Variants in SMURF2 observed in about 807,000 individuals in gnomAD.
SMURF2 encodes E3 ubiquitin-protein ligase SMURF2.
A neutral mutation model predicts 109.6 loss-of-function variants in SMURF2; 48 were observed. That is an observed-to-expected ratio of 0.44 (90% CI 0.35 to 0.56). The LOEUF (loss-of-function observed/expected upper bound fraction) is 0.56, where lower values mean the gene tolerates loss of function less well. SMURF2 is among the 20% of genes least tolerant of loss of function. The probability of loss-of-function intolerance (pLI) is 0.01; values close to 1 mark genes in which losing one functional copy is unlikely to be tolerated. For synonymous variants in SMURF2, 288 were observed against 317.1 expected (o/e 0.91, Z 0.97); for missense variants, 575 against 909.0 (o/e 0.63, Z 4.72).
intron 10 of SMURF2, among the ~76,000 whole-genome samples, chr17:64,568,650 A>G (rs879978478): frequency 6.6e-6 from 1 of 152,150 alleles, no homozygotes; most frequent in Non-Finnish European, 1.5e-5. Flanking sequence ...GAGTGCTCCA[A>G]CATCTTTTAT....
At chr17:64,599,493 C>G (rs1413635574) in intron 2 of SMURF2, among the ~76,000 whole-genome samples, 6 of 152,186 alleles carry the variant, frequency 3.9e-5, no homozygotes, top group Admixed American at 1.3e-4. Context: ...CGTCTCCAAC[C>G]TCTGCACCAT....
At chr17:64,550,416 TG>T (rs1555683493) in intron 16 of SMURF2, among the ~76,000 whole-genome samples, 1 of 152,208 alleles carries the variant, frequency 6.6e-6, no homozygotes, top group Non-Finnish European at 1.5e-5. Context: ...TTACAAAACC[TG>T]GGGTGTTTAA....
intron 2 of SMURF2, among the ~76,000 whole-genome samples, chr17:64,603,608 A>G (rs1555688793): frequency 1.3e-5 from 2 of 151,894 alleles, no homozygotes; most frequent in African/African-American, 4.8e-5. Flanking sequence ...AAACATAATG[A>G]ATAAATGGGT....
rs782147506 is a variant in SMURF2 at position 64,580,962 on chromosome 17, C to G, written c.599G>C (p.Arg200Thr). Residue 200 changes from arginine to threonine, a missense_variant, in exon 8 of 19, where the codon AGA (arginine) becomes ACA (threonine). By Grantham distance (71) the Arg-to-Thr change is moderately conservative. This residue lies in a region of SMURF2 where 151 missense variants were observed against 178.4 expected (regional missense o/e 0.85). Coordinates refer to ENST00000262435, the MANE Select transcript of SMURF2 (RefSeq NM_022739.4). Reference sequence around the variant, plus strand: ...CTCATCAACAAAGCAGCTAAGAGGTCTGCCAGGGCTAGAATATTCGGATGC... The same window carrying G: ...CTCATCAACAAAGCAGCTAAGAGGTGTGCCAGGGCTAGAATATTCGGATGC... ...RPASEYSSPG[R>T]PLSCFVDENT... 3 of 1,614,162 alleles carry G rather than the reference C, an allele frequency of 1.9e-6. No individual in the cohort carries two copies. The highest frequency in any genetic ancestry group is 2.5e-6 in the Non-Finnish European group (3 of 1,180,030).
chr17:64,578,649 A>G, intron 8 of SMURF2, 73 bp from the exon 9 acceptor site: 1 of 911,444 alleles, frequency 1.1e-6, no homozygotes, highest in Non-Finnish European at 1.8e-6. Context: ...ATACACTAAG[A>G]TGATATACTA....
chr17:64,585,616 C>T (rs1969641609), intron 6 of SMURF2, among the ~76,000 whole-genome samples: 2 of 152,108 alleles, frequency 1.3e-5, no homozygotes, highest in African/African-American at 4.8e-5. Context: ...TTCCAAGATG[C>T]TATGAGAATT....
At chr17:64,597,690 T>C (rs1171865704) in intron 3 of SMURF2, among the ~76,000 whole-genome samples, 1 of 151,604 alleles carries the variant, frequency 6.6e-6, no homozygotes, top group East Asian at 1.9e-4. Context: ...GGAGAAATGC[T>C]TGAACTCAGG....
In SMURF2 at chr17:64,621,985, TAAA is replaced by T. The variant is rs200773394; in HGVS notation, c.53-15348_53-15346del. Reference sequence around the variant, plus strand: ...ATAATAATAATAATAATAATAATAATAAAAAAAAGCACTGTAGTGAGCCATCAT... The same window carrying T: ...ATAATAATAATAATAATAATAATAATAAAAAGCACTGTAGTGAGCCATCAT... On this transcript the variant is annotated intron_variant, in intron 1 of 18. Transcript: ENST00000262435. Among the ~76,000 whole-genome samples the T allele has an allele frequency of 9.8e-3, 1,291 of 132,040 alleles. 17 individuals carry two copies. The highest frequency in any genetic ancestry group is 0.029 in the African/African-American group (1,087 of 37,958). The allele number at this position is 132,040 out of a possible 152,430, so 86.6% of individuals were successfully genotyped here. A position where few individuals can be genotyped will look rare whatever the true frequency, so the allele number is the denominator to read the frequency against.
chr17:64,613,662 T>C (rs1184592528), intron 1 of SMURF2, among the ~76,000 whole-genome samples: 2 of 129,758 alleles, frequency 1.5e-5, no homozygotes, highest in African/African-American at 2.9e-5. Context: ...AAGACAAGTT[T>C]TCCACGGACC....
chr17:64,642,701 C>T (rs1332836244), intron 1 of SMURF2, among the ~76,000 whole-genome samples: 2 of 152,144 alleles, frequency 1.3e-5, no homozygotes, highest in African/African-American at 4.8e-5. Context: ...TGTGTGTAGG[C>T]AAATATTAGT....
At chr17:64,588,753 G>C (rs1969706077) in intron 5 of SMURF2, among the ~76,000 whole-genome samples, 2 of 151,936 alleles carry the variant, frequency 1.3e-5, no homozygotes. Context: ...CTGAGTAGCT[G>C]GGACTACAGG....
intron 11 of SMURF2, among the ~76,000 whole-genome samples, chr17:64,562,049 C>T (rs1484901065): frequency 1.3e-5 from 2 of 151,902 alleles, no homozygotes; most frequent in Non-Finnish European, 2.9e-5. Flanking sequence ...AATCCCAGCA[C>T]TTTGGGAGGC....
intron 1 of SMURF2, among the ~76,000 whole-genome samples, chr17:64,618,676 A>G (rs570668305): frequency 6.6e-6 from 1 of 152,300 alleles, no homozygotes; most frequent in South Asian, 2.1e-4. Context: ...AAACCACACA[A>G]TTTACTTTCT....
chr17:64,645,438 A>C (rs1268848729), intron 1 of SMURF2, among the ~76,000 whole-genome samples: 1 of 152,222 alleles, frequency 6.6e-6, no homozygotes, highest in Non-Finnish European at 1.5e-5. Context: ...CTGTAGTCCC[A>C]GCTTCTCTGG....
rs377564573 is a variant in SMURF2, at chr17:64,634,025, G to A, written c.53-27385C>T. Reference sequence around the variant, plus strand: ...AAAAATTAGCCAGGTGTGGTGGTGCGCGCCTGTAATCCCAGCTACTTGGGA... The same window carrying A: ...AAAAATTAGCCAGGTGTGGTGGTGCACGCCTGTAATCCCAGCTACTTGGGA... On this transcript the variant is annotated intron_variant, in intron 1 of 18. Coordinates refer to ENST00000262435, the MANE Select transcript of SMURF2 (RefSeq NM_022739.4). 2.8e-4 allele frequency among the ~76,000 whole-genome samples: 43 copies of A among 152,148 alleles called. No homozygotes were observed. The Middle Eastern group carries it at 0.014, about 48-fold the overall frequency.
At position 64,543,504 on chromosome 17, in the gene SMURF2, C is replaced by A. The variant is rs965575820; in HGVS notation, c.*2344G>T. 1.8e-4 allele frequency: 27 copies of A among 152,102 alleles called. No homozygotes were observed. Among genetic ancestry groups the A allele is most frequent in the African/African-American group, 6.3e-4 (26 of 41,466 alleles). The allele number at this position is 152,102 out of a possible 1,614,324, so 9.4% of individuals were successfully genotyped here. On this transcript the variant is annotated 3_prime_UTR_variant, in exon 19 of 19. Coordinates refer to ENST00000262435, the MANE Select transcript of SMURF2 (RefSeq NM_022739.4). ...GGCCAGGCTGGTCTCGAACTCCTGA[C>A]CTCAGGTGATCCGCCCACCTCGGCC...
chr17:64,650,312 C>T (rs771188606), intron 1 of SMURF2, among the ~76,000 whole-genome samples: 1 of 150,020 alleles, frequency 6.7e-6, no homozygotes, highest in Non-Finnish European at 1.5e-5. Context: ...GCAGGGATTA[C>T]AGGCACACAC....
At chr17:64,612,623 G>C (rs1970060810) in intron 1 of SMURF2, among the ~76,000 whole-genome samples, 1 of 152,026 alleles carries the variant, frequency 6.6e-6, no homozygotes, top group African/African-American at 2.4e-5. Context: ...GCAGTTAGCT[G>C]AGATCACACC....
At chr17:64,629,108 C>A (rs1371889385) in intron 1 of SMURF2, among the ~76,000 whole-genome samples, 6 of 152,156 alleles carry the variant, frequency 3.9e-5, no homozygotes, top group African/African-American at 1.4e-4. Context: ...CCCATGCCCA[C>A]CAGAACCTCA....
Sources: allele counts gnomAD v4.1 joint callset (sites outside exome capture counted in the v4.1 genomes callset), GRCh38; gene constraint gnomAD v4.1.1; regional missense constraint gnomAD v4.1.1; transcripts MANE v1.5; gene names NCBI Gene and HGNC (gene_info 2026-07-23, HGNC 2026-07-21).